The following OLAH variants were observed in gnomAD, a reference collection of about 807,000 sequenced individuals.
OLAH encodes S-acyl fatty acid synthase thioesterase, medium chain.
Under a neutral mutation model 27.8 loss-of-function variants are expected in OLAH, and 33 were observed. The observed-to-expected ratio is 1.19, with a 90% CI of 0.90 to 1.59. The LOEUF is 1.59. OLAH is among the 40% of genes most tolerant of loss of function. The pLI, the probability that OLAH is intolerant of heterozygous loss-of-function variation, is 0.00. For missense variants in OLAH, 359 were observed against 310.8 expected, an observed-to-expected ratio of 1.16 and a Z score of -1.17; for synonymous variants, 120 against 102.9, an observed-to-expected ratio of 1.17 and a Z score of -1.01.
chr10:15,049,798 TA>T, intron 3 of OLAH, 33 bp downstream of exon 3: 3 of 1,587,316 alleles, frequency 1.9e-6, no homozygotes, highest in Admixed American at 1.9e-5. Flanking sequence ...TTAAGCAATT[TA>T]AAAGGGCAGA....
At chr10:15,040,826 AC>A (rs1215465862), upstream of OLAH, among the ~76,000 whole-genome samples, 1 of 152,238 alleles carries the variant, frequency 6.6e-6, no homozygotes, top group African/African-American at 2.4e-5. Context: ...AGTGATGATT[AC>A]AAGAATCCTC....
At chr10:15,046,323 T>TATAAATAAATAAATAAATAA (rs113256684) in intron 1 of OLAH, among the ~76,000 whole-genome samples, 6 of 149,040 alleles carry the variant, frequency 4.0e-5, no homozygotes, top group African/African-American at 1.2e-4. Flanking sequence ...CTCAAAAAAA[T>TATAAATAAATAAATAAATAA]ATAAATAAAT....
At chr10:15,060,267 T>G (rs1349534862) in intron 3 of OLAH, among the ~76,000 whole-genome samples, 1 of 152,138 alleles carries the variant, frequency 6.6e-6, no homozygotes, top group East Asian at 1.9e-4. Flanking sequence ...CCTCCCAGGC[T>G]CAAGTGATTT....
intron 1 of OLAH, among the ~76,000 whole-genome samples, chr10:15,038,355 A>G (rs1038981996): frequency 5.3e-5 from 8 of 152,126 alleles, no homozygotes; most frequent in Non-Finnish European, 1.0e-4. Context: ...GGAAGGCATG[A>G]TTGGTTTTGA....
chr10:15,036,720 G>A (rs532372905), intron 1 of OLAH, among the ~76,000 whole-genome samples: 1 of 152,132 alleles, frequency 6.6e-6, no homozygotes, highest in Non-Finnish European at 1.5e-5. Context: ...GAACTCCTGG[G>A]ATCAAGCAAT....
In OLAH at chr10:15,071,403, A is replaced by T. The variant is rs545225836; in HGVS notation, c.573-392A>T. The T allele has an allele frequency of 1.4e-4, 66 of 476,934 alleles. No homozygotes were observed. The South Asian group carries it at 4.8e-3, about 35-fold the overall frequency. The allele number at this position is 476,934 out of a possible 1,614,324, so 29.5% of individuals were successfully genotyped here. A position where few individuals can be genotyped will look rare whatever the true frequency, so the allele number is the denominator to read the frequency against. On this transcript the variant is annotated intron_variant, in intron 6 of 7. Coordinates refer to ENST00000378228, the MANE Select transcript of OLAH (RefSeq NM_001039702.3). Reference sequence around the variant, plus strand: ...AGTGCAGCACTGAGCCTCTGACTCAATAAACACGTTTGCTGCTGTTGTGAG... The same window carrying T: ...AGTGCAGCACTGAGCCTCTGACTCATTAAACACGTTTGCTGCTGTTGTGAG...
chr10:15,059,345 C>G (rs1001287476), intron 3 of OLAH, among the ~76,000 whole-genome samples: 4 of 150,568 alleles, frequency 2.7e-5, no homozygotes, highest in African/African-American at 7.3e-5. Flanking sequence ...CACCACCACA[C>G]TCAGCTGATA....
intron 3 of OLAH, among the ~76,000 whole-genome samples, chr10:15,054,809 T>C (rs1273491814): frequency 6.6e-6 from 1 of 152,242 alleles, no homozygotes; most frequent in Non-Finnish European, 1.5e-5. Flanking sequence ...CTGTCCACTA[T>C]TCTGTCAGCT....
chr10:15,052,138 C>T (rs1294683588), intron 3 of OLAH, among the ~76,000 whole-genome samples: 1 of 152,128 alleles, frequency 6.6e-6, no homozygotes, highest in African/African-American at 2.4e-5. Context: ...AGAAAATTAA[C>T]TGAGCGTAGT....
Position 15,070,792 on chromosome 10 carries a change from T to C in OLAH, c.573-1003T>C, listed in dbSNP as rs1036186735. Among the ~76,000 whole-genome samples, 110 of 149,290 alleles carry C rather than the reference T, an allele frequency of 7.4e-4. 1 individual carries two copies. The highest frequency in any genetic ancestry group is 1.4e-3 in the Non-Finnish European group (97 of 67,240). On this transcript the variant is annotated intron_variant, in intron 6 of 7. Coordinates refer to ENST00000378228, the MANE Select transcript of OLAH (RefSeq NM_001039702.3). ...CACCACGCCTGAACTTTTTTTTTTT[T>C]TTTTTTTTTTTGAGACAGGATCTTA... is the stretch of plus-strand genomic sequence containing the variant.
chr10:15,044,686 T>C (rs1843982001), intron 1 of OLAH, among the ~76,000 whole-genome samples: 1 of 152,170 alleles, frequency 6.6e-6, no homozygotes, highest in Non-Finnish European at 1.5e-5. Flanking sequence ...TTGCCCTGTT[T>C]CCTAAAAGCT....
intron 1 of OLAH, among the ~76,000 whole-genome samples, chr10:15,037,894 GCCAACACA>G: frequency 6.6e-6 from 1 of 152,328 alleles, no homozygotes; most frequent in East Asian, 1.9e-4. Flanking sequence ...TCTCTATACT[GCCAACACA>G]AAGAGCCACA....
chr10:15,060,532 G>T (rs1844342538), intron 3 of OLAH, among the ~76,000 whole-genome samples: 1 of 151,366 alleles, frequency 6.6e-6, no homozygotes, highest in African/African-American at 2.4e-5. Context: ...TTTTCTTCTT[G>T]GTATCTAGTC....
chr10:15,041,513 G>A (rs189821652), upstream of OLAH, among the ~76,000 whole-genome samples: 47 of 151,652 alleles, frequency 3.1e-4, no homozygotes, highest in African/African-American at 1.1e-3. Context: ...CCTGACCTCA[G>A]GTGATCCGCC....
chr10:15,050,539 A>AT (rs764081489), intron 3 of OLAH, among the ~76,000 whole-genome samples: 53,416 of 109,092 alleles, frequency 0.49, 14,113 homozygotes, highest in East Asian at 0.73. Flanking sequence ...AAGTGCTAGG[A>AT]TTTTTTTTTT....
intron 2 of OLAH, among the ~76,000 whole-genome samples, chr10:15,047,778 G>A (rs1255875131): frequency 3.3e-5 from 5 of 152,122 alleles, no homozygotes; most frequent in East Asian, 1.9e-4. Context: ...CAAGTAAAAA[G>A]CAGTGAGTTT....
rs1204304130 is a variant in OLAH, at chr10:15,056,731, A to C, written c.164-4993A>C. The C allele has an allele frequency of 4.8e-6, 6 of 1,242,856 alleles. No homozygotes were observed. In the South Asian group the frequency reaches 1.9e-4, roughly 40 times the overall value. 77.0% of individuals were successfully genotyped at this position (1,242,856 alleles called of 1,614,324 possible). On this transcript the variant is annotated intron_variant, in intron 3 of 7. Transcript: ENST00000378228. ...TTGCAGCCTTAACTTTTCAGCCTCA[A>C]GTGATCCTCCCACCTCAGCCTCCTG...
chr10:15,049,824 T>G, intron 3 of OLAH, 59 bp downstream of exon 3: 1 of 1,523,134 alleles, frequency 6.6e-7, no homozygotes, highest in Non-Finnish European at 8.8e-7. Context: ...ATAAATGTAT[T>G]AGAATTTGAA....
chr10:15,059,747 A>G (rs1462891378), intron 3 of OLAH, among the ~76,000 whole-genome samples: 1 of 152,206 alleles, frequency 6.6e-6, no homozygotes, highest in Non-Finnish European at 1.5e-5. Flanking sequence ...CAGAGGTTGT[A>G]GTGAGCCAAG....
Sources: allele counts gnomAD v4.1 joint callset (sites outside exome capture counted in the v4.1 genomes callset), GRCh38; gene constraint gnomAD v4.1.1; transcripts MANE v1.5; gene names NCBI Gene and HGNC (gene_info 2026-07-23, HGNC 2026-07-21).